Variants in MFN2 observed in about 807,000 individuals in gnomAD.
MFN2 encodes mitofusin-2.
A neutral mutation model predicts 87.5 loss-of-function variants in MFN2; 43 were observed. The ratio of observed to expected loss-of-function variants is 0.49; its 90% confidence interval spans 0.38 to 0.63. MFN2 has a LOEUF of 0.63. Ranked by LOEUF, MFN2 falls within the 30% of genes least tolerant of loss-of-function variation. The pLI is 0.00. For missense variants in MFN2, 743 were observed against 972.8 expected (o/e 0.76, Z 3.14); for synonymous variants, 337 against 359.9 (o/e 0.94, Z 0.72).
At chr1:11,993,747 A>AAT (rs1638794425) in intron 4 of MFN2, among the ~76,000 whole-genome samples, 1 of 152,074 alleles carries the variant, frequency 6.6e-6, no homozygotes, top group Admixed American at 6.6e-5. Flanking sequence ...AAAAAAAAAA[A>AAT]AAATCTAAAA....
intron 4 of MFN2, among the ~76,000 whole-genome samples, chr1:11,995,295 C>A (rs535809064): frequency 2.6e-5 from 4 of 151,728 alleles, no homozygotes; most frequent in African/African-American, 4.8e-5. Context: ...ACAACAACAA[C>A]AAAAAACCCC....
chr1:11,989,422 A>G, intron 3 of MFN2, 79 bp downstream of exon 3: 3 of 1,506,392 alleles, frequency 2.0e-6, no homozygotes, highest in African/African-American at 1.4e-5. Context: ...GTGGGGAGGT[A>G]TATCTCTGCT....
intron 8 of MFN2, 39 bp downstream of exon 8, chr1:11,999,134 C>A: frequency 6.4e-7 from 1 of 1,554,918 alleles, no homozygotes; most frequent in Non-Finnish European, 8.9e-7. Context: ...AATGCAACCC[C>A]GAGGGAGCAC....
intron 8 of MFN2, among the ~76,000 whole-genome samples, chr1:12,000,839 G>C (rs1176840844): frequency 6.6e-6 from 1 of 152,132 alleles, no homozygotes; most frequent in South Asian, 2.1e-4. Flanking sequence ...CTTAACAAGA[G>C]GCAGTCTAGG....
intron 4 of MFN2, among the ~76,000 whole-genome samples, chr1:11,994,914 C>T (rs1053313387): frequency 3.3e-5 from 5 of 152,158 alleles, no homozygotes; most frequent in Non-Finnish European, 7.4e-5. Context: ...CTCTGAGACT[C>T]AGAGCAGATG....
chr1:12,005,771 G>C lies in MFN2; in HGVS notation c.1556G>C (p.Arg519Pro), dbSNP rs373809750. 2 of 1,614,170 alleles carry C rather than the reference G, an allele frequency of 1.2e-6. No homozygotes were observed. Among genetic ancestry groups the C allele is most frequent in the Non-Finnish European group, 1.7e-6 (2 of 1,180,038 alleles). The change falls in exon 15 of 19, where the codon CGC becomes CCC. Residue 519 changes from arginine to proline, a missense_variant. Coordinates refer to ENST00000235329, the MANE Select transcript of MFN2 (RefSeq NM_014874.4). The part of the protein sequence containing the change: ...VRSQIDMLVP[R>P]QCFSLNYDLN... ...AGTCAGATAGACATGCTGGTCCCAC[G>C]CCAGTGCTTCTCCCTCAACTATGAC... is the stretch of plus-strand genomic sequence containing the variant.
chr1:12,013,453 C>T lies in MFN2; in HGVS notation c.*1888C>T, dbSNP rs1639775247. 2.3e-6 allele frequency: 1 copy of T among 441,284 alleles called. No homozygotes were observed. The allele number at this position is 441,284 out of a possible 1,614,324, so 27.3% of individuals were successfully genotyped here. Reference sequence around the variant, plus strand: ...TAAGGTGATGTATTTGCTTGAGTTACTCCTGTATCATTGCTCATAATATTG... The same window carrying T: ...TAAGGTGATGTATTTGCTTGAGTTATTCCTGTATCATTGCTCATAATATTG... On this transcript the variant is annotated 3_prime_UTR_variant, in exon 19 of 19. Coordinates refer to ENST00000235329, the MANE Select transcript of MFN2 (RefSeq NM_014874.4).
intron 3 of MFN2, among the ~76,000 whole-genome samples, chr1:11,991,246 G>T (rs781214160): frequency 2.0e-5 from 3 of 152,194 alleles, no homozygotes; most frequent in Non-Finnish European, 4.4e-5. Flanking sequence ...GGGTCAGATA[G>T]TGTGGCCCTC....
intron 3 of MFN2, 164 bp from the exon 4 acceptor site, chr1:11,992,391 A>G (rs759757201): frequency 4.0e-5 from 34 of 850,086 alleles, no homozygotes; most frequent in Non-Finnish European, 6.7e-5. Flanking sequence ...TAACCACCAC[A>G]CCGTGGGGCC....
Position 12,003,875 on chromosome 1 carries a change from G to C in MFN2, c.1161-117G>C. 1 of 1,382,698 alleles carries C rather than the reference G, an allele frequency of 7.2e-7. No individual in the cohort carries two copies. 85.7% of individuals were successfully genotyped at this position (1,382,698 alleles called of 1,614,324 possible). A position where few individuals can be genotyped will look rare whatever the true frequency, so the allele number is the denominator to read the frequency against. ...GAAGGCCATGCCCCTGGGTGCGTGT[G>C]TGCAGCCCTGCCAGGCAAGATAGCG... On this transcript the variant is annotated intron_variant, in intron 11 of 18. Transcript: ENST00000235329. The surrounding 1 kb of genome is among the most constrained non-coding windows in gnomAD (Gnocchi z 4.1).
chr1:12,004,654 C>T lies in MFN2; in HGVS notation c.1392+41C>T, dbSNP rs762054865. On this transcript the variant is annotated intron_variant, in intron 13 of 18. Transcript: ENST00000235329. The surrounding 1 kb of genome is among the most constrained non-coding windows in gnomAD (Gnocchi z 4.2). Reference sequence around the variant, plus strand: ...ACAGGTCCTCTTGGCAGGAGGCCCCCAAAAGTGATTCAACCCCTGTTGGTC... The same window carrying T: ...ACAGGTCCTCTTGGCAGGAGGCCCCTAAAAGTGATTCAACCCCTGTTGGTC... 1.9e-6 allele frequency: 3 copies of T among 1,587,776 alleles called. No homozygotes were observed. The highest frequency in any genetic ancestry group is 2.6e-6 in the Non-Finnish European group (3 of 1,156,316).
chr1:12,013,363 T>G lies in MFN2; in HGVS notation c.*1798T>G, dbSNP rs1386025542. 1 of 471,380 alleles carries G rather than the reference T, an allele frequency of 2.1e-6. No individual in the cohort carries two copies. The highest frequency in any genetic ancestry group is 4.4e-6 in the Non-Finnish European group (1 of 227,164). 29.2% of individuals were successfully genotyped at this position (471,380 alleles called of 1,614,324 possible). A position where few individuals can be genotyped will look rare whatever the true frequency, so the allele number is the denominator to read the frequency against. On this transcript the variant is annotated 3_prime_UTR_variant, in exon 19 of 19. Coordinates refer to ENST00000235329, the MANE Select transcript of MFN2 (RefSeq NM_014874.4). ...AAGCACTTTAATGCTGCTGACATTGTTGTTTTTATGTTCATTTGCTGGAGC... is the reference window on the plus strand; with the variant it reads ...AAGCACTTTAATGCTGCTGACATTGGTGTTTTTATGTTCATTTGCTGGAGC...
At chr1:11,996,663 T>C (rs1276015431) in intron 5 of MFN2, among the ~76,000 whole-genome samples, 1 of 152,206 alleles carries the variant, frequency 6.6e-6, no homozygotes, top group Non-Finnish European at 1.5e-5. Context: ...GTCTCTGACC[T>C]ATCAGTCAGG....
chr1:11,982,357 A>G (rs1646002091), intron 2 of MFN2, among the ~76,000 whole-genome samples: 1 of 152,204 alleles, frequency 6.6e-6, no homozygotes, highest in South Asian at 2.1e-4. Flanking sequence ...GGCTCCCTGA[A>G]GAGTTAGTCT....
intron 6 of MFN2, 124 bp downstream of exon 6, chr1:11,997,545 A>G (rs1638966515): frequency 7.4e-7 from 1 of 1,354,864 alleles, no homozygotes; most frequent in Non-Finnish European, 1.0e-6. Flanking sequence ...TACCTTTCAG[A>G]TGGGCTCAAC....
intron 16 of MFN2, 29 bp downstream of exon 16, chr1:12,006,722 G>T (rs368636328): frequency 5.6e-6 from 9 of 1,613,850 alleles, no homozygotes; most frequent in South Asian, 1.1e-5. Context: ...TCGGGAAGGT[G>T]GGGGCGGAGG....
chr1:12,009,212 G>A (rs763980251), intron 17 of MFN2, among the ~76,000 whole-genome samples: 47 of 151,828 alleles, frequency 3.1e-4, no homozygotes, highest in Middle Eastern at 6.8e-3. Flanking sequence ...GAGGGAGACC[G>A]TGGGGAGAGG....
At position 12,013,187 on chromosome 1, in the gene MFN2, T is replaced by C; in HGVS notation, c.*1622T>C. 5.7e-6 allele frequency: 2 copies of C among 348,558 alleles called. No individual in the cohort carries two copies. Among genetic ancestry groups the C allele is most frequent in the Non-Finnish European group, 1.1e-5 (2 of 176,212 alleles). The allele number at this position is 348,558 out of a possible 1,614,324, so 21.6% of individuals were successfully genotyped here. ...CACACAATTCCAATGGATTTTGTGC[T>C]CTTTTTGAAAAAAAAAAATTCTTTA... On this transcript the variant is annotated 3_prime_UTR_variant, in exon 19 of 19. Transcript: ENST00000235329.
rs376779568 is a variant in MFN2 at position 11,996,177 on chromosome 1, C to T, written c.333C>T (p.Thr111=). ...FFGRTSNGKS[T]VINAMLWDKV... ...CTAGGACGAGCAATGGGAAGAGCAC[C>T]GTGATCAATGCCATGCTCTGGGACA... The change falls in exon 5 of 19, where the codon ACC becomes ACT. Residue 111 remains threonine, a synonymous_variant. Transcript: ENST00000235329. The T allele has an allele frequency of 1.3e-5, 21 of 1,614,026 alleles. No individual in the cohort carries two copies. The highest frequency in any genetic ancestry group is 1.6e-4 in the Middle Eastern group (1 of 6,084).
Sources: allele counts gnomAD v4.1 joint callset (sites outside exome capture counted in the v4.1 genomes callset), GRCh38; gene constraint gnomAD v4.1.1; non-coding constraint Gnocchi (gnomAD v3.1); transcripts MANE v1.5; gene names NCBI Gene and HGNC (gene_info 2026-07-23, HGNC 2026-07-21).